NLRP12: variants seen among roughly 807,000 people sequenced by gnomAD.
The protein encoded by NLRP12 is NLR family pyrin domain containing 12.
NLRP12 carries 108 observed loss-of-function variants against 91.2 expected under a neutral mutation model. The ratio of observed to expected loss-of-function variants is 1.18; its 90% CI spans 1.01 to 1.39. The LOEUF is 1.39. Ranked by LOEUF, NLRP12 falls within the 40% of genes most tolerant of loss-of-function variation. NLRP12 has a pLI of 0.00. For synonymous variants in NLRP12, 613 were observed against 566.7 expected, an observed-to-expected ratio of 1.08 and a Z score of -1.16; for missense variants, 1,530 against 1,352.7, an observed-to-expected ratio of 1.13 and a Z score of -2.06.
chr19:53,819,031 A>G (rs1038683521), intron 1 of NLRP12, among the ~76,000 whole-genome samples: 2 of 152,170 alleles, frequency 1.3e-5, no homozygotes, highest in African/African-American at 4.8e-5. Flanking sequence ...GCTGCCTCTC[A>G]GTAGACTAAA....
At chr19:53,796,861 G>T (rs1298544096) in intron 8 of NLRP12, among the ~76,000 whole-genome samples, 1 of 151,440 alleles carries the variant, frequency 6.6e-6, no homozygotes, top group Non-Finnish European at 1.5e-5. Flanking sequence ...CGGGGTGGTG[G>T]CGCATGCCTG....
intron 7 of NLRP12, among the ~76,000 whole-genome samples, chr19:53,798,767 G>A (rs548433736): frequency 2.0e-4 from 31 of 152,142 alleles, no homozygotes; most frequent in African/African-American, 6.7e-4. Context: ...TTGCGATGGC[G>A]TTTCCCTCTT....
intron 6 of NLRP12, 100 bp downstream of exon 6, chr19:53,803,852 G>A: frequency 5.8e-6 from 7 of 1,201,416 alleles, no homozygotes; most frequent in South Asian, 1.3e-5. Flanking sequence ...GGGATTACAG[G>A]CGTGAGCCAC....
intron 6 of NLRP12, among the ~76,000 whole-genome samples, chr19:53,803,185 C>CT (rs112504038): frequency 8.5e-4 from 125 of 147,008 alleles, no homozygotes; most frequent in Middle Eastern, 3.5e-3. Context: ...ATCTCTGGAA[C>CT]TTTTTTTTTT....
intron 3 of NLRP12, chr19:53,808,555 A>G (rs2092000210): frequency 6.6e-6 from 1 of 152,026 alleles, no homozygotes; most frequent in African/African-American, 2.4e-5. Context: ...CTAAAAAAAT[A>G]CAAAAATTAG....
At position 53,810,067 on chromosome 19, in the gene NLRP12, CCCT is replaced by C; in HGVS notation, c.1589_1591del (p.Glu530del). ...CTGGTCTGGGCCTGCCCCGCCCTCC[CCCT>C]CGTCCAGGATATAGTACATAGCTGC... On this transcript the variant is annotated inframe_deletion, in exon 3 of 10. Coordinates refer to ENST00000324134, the MANE Select transcript of NLRP12 (RefSeq NM_144687.4). The C allele has an allele frequency of 6.2e-7, 1 of 1,614,114 alleles. No homozygotes were observed. Among genetic ancestry groups the C allele is most frequent in the Non-Finnish European group, 8.5e-7 (1 of 1,180,036 alleles).
At chr19:53,794,253 C>T (rs970113259) in intron 9 of NLRP12, 117 bp from the exon 10 acceptor site, 4 of 778,838 alleles carry the variant, frequency 5.1e-6, no homozygotes, top group African/African-American at 1.7e-5. Flanking sequence ...TCCAGAAATT[C>T]CACCCAACGC....
At position 53,796,985 on chromosome 19, in the gene NLRP12, T is replaced by TAA. The variant is rs951395965; in HGVS notation, c.2928-958_2928-957dup. ...CCAGGGTGACAGGGAGACCCTGTTT[T>TAA]AAAAAAAAAAAAAATCCCAAATAAA... On this transcript the variant is annotated intron_variant, in intron 8 of 9. Transcript: ENST00000324134. 3.5e-5 allele frequency among the ~76,000 whole-genome samples: 5 copies of TAA among 141,928 alleles called. No homozygotes were observed. The East Asian group carries it at 8.4e-4, about 24-fold the overall frequency. 93.1% of individuals were successfully genotyped at this position (141,928 alleles called of 152,430 possible).
At chr19:53,815,631 C>T (rs575326108) in intron 1 of NLRP12, among the ~76,000 whole-genome samples, 3 of 152,030 alleles carry the variant, frequency 2.0e-5, no homozygotes, top group South Asian at 2.1e-4. Context: ...CTTTTCGAGA[C>T]GGAGTCTGGC....
At chr19:53,805,248 T>C (rs2091938498) in intron 5 of NLRP12, 32 bp downstream of exon 5, 3 of 1,603,432 alleles carry the variant, frequency 1.9e-6, no homozygotes, top group African/African-American at 2.7e-5. Flanking sequence ...GACAATGAGC[T>C]TAAGAAGTTG....
chr19:53,806,919 T>C (rs2091969345), intron 4 of NLRP12, among the ~76,000 whole-genome samples: 1 of 150,310 alleles, frequency 6.7e-6, no homozygotes, highest in South Asian at 2.1e-4. Flanking sequence ...CACAGCAGGA[T>C]GACCATGTGA....
At chr19:53,800,587 C>CTT (rs11290529) in intron 7 of NLRP12, among the ~76,000 whole-genome samples, 1 of 149,210 alleles carries the variant, frequency 6.7e-6, no homozygotes, top group Non-Finnish European at 1.5e-5. Flanking sequence ...AAACCCCCCC[C>CTT]TTTTTTTTTT....
At chr19:53,800,294 G>A (rs1423153976) in intron 7 of NLRP12, among the ~76,000 whole-genome samples, 1 of 151,920 alleles carries the variant, frequency 6.6e-6, no homozygotes, top group African/African-American at 2.4e-5. Context: ...GACAGGGCAA[G>A]ACTCGTCTCA....
chr19:53,803,920 T>C, intron 6 of NLRP12, 32 bp downstream of exon 6: 1 of 1,606,722 alleles, frequency 6.2e-7, no homozygotes, highest in Non-Finnish European at 8.5e-7. Flanking sequence ...AGATTTGCCA[T>C]TTTATTATAG....
In NLRP12 at chr19:53,811,083, G is replaced by T; in HGVS notation, c.576C>A (p.Ser192Arg). The stretch of plus-strand genomic sequence containing the variant: ...CAAAGAGGGTCTCTATCTTGATGGG[G>T]CTAGCCTGGTGTCCCACGGTCCTCG... ...GHARTVGHQA[S>R]PIKIETLFEP... Residue 192 changes from serine (S) to arginine (R), a missense_variant, in exon 3 of 10, where the codon AGC becomes AGA. By Grantham distance (110) the Ser-to-Arg change is moderately radical. Coordinates refer to ENST00000324134, the MANE Select transcript of NLRP12 (RefSeq NM_144687.4). 6.2e-7 allele frequency: 1 copy of T among 1,613,826 alleles called. No individual in the cohort carries two copies.
chr19:53,807,191 C>T (rs899572976), intron 4 of NLRP12, among the ~76,000 whole-genome samples: 1 of 152,076 alleles, frequency 6.6e-6, no homozygotes, highest in East Asian at 1.9e-4. Context: ...CCTCAGCCTC[C>T]CAAGCAGCTG....
intron 4 of NLRP12, among the ~76,000 whole-genome samples, chr19:53,806,705 GA>G (rs1371669521): frequency 2.0e-5 from 1 of 50,456 alleles, no homozygotes; most frequent in Non-Finnish European, 4.4e-5. Flanking sequence ...AAAAAAAAAA[GA>G]AATTAGCCGG....
intron 1 of NLRP12, among the ~76,000 whole-genome samples, chr19:53,816,733 G>A (rs1033879099): frequency 4.6e-5 from 7 of 151,372 alleles, no homozygotes; most frequent in East Asian, 4.0e-4. Flanking sequence ...GTAGAGATGC[G>A]GTTTGACCAT....
At chr19:53,808,367 C>G (rs1600702591) in intron 3 of NLRP12, 2 of 161,528 alleles carry the variant, frequency 1.2e-5, no homozygotes, top group East Asian at 1.7e-4. Flanking sequence ...GATGCGTGCT[C>G]TCTTGGGACC....
Sources: allele counts gnomAD v4.1 joint callset (sites outside exome capture counted in the v4.1 genomes callset), GRCh38; gene constraint gnomAD v4.1.1; transcripts MANE v1.5; gene names NCBI Gene and HGNC (gene_info 2026-07-23, HGNC 2026-07-21).